SLC38A12: variants seen among roughly 807,000 people sequenced by gnomAD.
SLC38A12 encodes putative sodium-coupled neutral amino acid transporter 12.
At chr17:74,836,365 C>T in the SLC38A12 span, 11 of 1,612,514 alleles carry the variant, frequency 6.8e-6, no homozygotes, top group African/African-American at 5.3e-5. The surrounding 1 kb of genome is among the most constrained non-coding windows in gnomAD (Gnocchi z 4.2). Context: ...GAGGGCGGCA[C>T]GTACCCGTGG....
chr17:74,832,382 C>T, the SLC38A12 span, among the ~76,000 whole-genome samples: 4 of 152,178 alleles, frequency 2.6e-5, no homozygotes, highest in Admixed American at 2.0e-4. Context: ...ATGGTGGTGC[C>T]GAACTGGAGG....
chr17:74,824,907 C>T, the SLC38A12 span, among the ~76,000 whole-genome samples: 1 of 152,124 alleles, frequency 6.6e-6, no homozygotes, highest in Non-Finnish European at 1.5e-5. Flanking sequence ...AGGTGAGGCC[C>T]CCAAGAGGAA....
the SLC38A12 span, among the ~76,000 whole-genome samples, chr17:74,794,688 C>CCCT: frequency 7.6e-4 from 115 of 152,256 alleles, no homozygotes; most frequent in Admixed American, 1.5e-3. Flanking sequence ...CATCTCTCCT[C>CCCT]CCTCCTCCCA....
the SLC38A12 span, chr17:74,835,801 A>G: frequency 2.7e-6 from 4 of 1,488,210 alleles, no homozygotes; most frequent in East Asian, 9.1e-5. Flanking sequence ...ACAGGGCTGC[A>G]TGAACATGCA....
At chr17:74,824,456 C>CCG in the SLC38A12 span, among the ~76,000 whole-genome samples, 1 of 152,200 alleles carries the variant, frequency 6.6e-6, no homozygotes, top group African/African-American at 2.4e-5. Flanking sequence ...CTGCCCCTGC[C>CCG]CCGCCGCAGG....
At chr17:74,809,530 G>C in the SLC38A12 span, among the ~76,000 whole-genome samples, 2 of 152,308 alleles carry the variant, frequency 1.3e-5, no homozygotes, top group South Asian at 4.1e-4. Flanking sequence ...TGCAGCCTGC[G>C]TCACAGCTGC....
the SLC38A12 span, among the ~76,000 whole-genome samples, chr17:74,798,762 C>T: frequency 1.3e-5 from 2 of 151,274 alleles, no homozygotes; most frequent in Non-Finnish European, 2.9e-5. Context: ...ATCCCTCCTG[C>T]TCTTTTGAAA....
chr17:74,813,950 A>G, the SLC38A12 span, among the ~76,000 whole-genome samples: 39 of 152,316 alleles, frequency 2.6e-4, no homozygotes, highest in Non-Finnish European at 4.6e-4. Flanking sequence ...CCTTCCAGCC[A>G]GAGGAAGGAT....
the SLC38A12 span, among the ~76,000 whole-genome samples, chr17:74,826,973 G>C: frequency 1.3e-5 from 2 of 152,128 alleles, no homozygotes; most frequent in East Asian, 3.9e-4. Flanking sequence ...CCCCATCCCT[G>C]ACCCCCAGAG....
the SLC38A12 span, among the ~76,000 whole-genome samples, chr17:74,804,096 G>A: frequency 6.6e-6 from 1 of 152,348 alleles, no homozygotes; most frequent in Non-Finnish European, 1.5e-5. Flanking sequence ...TTATCCTGTA[G>A]ATCAGTCTGT....
the SLC38A12 span, chr17:74,795,655 C>A: frequency 6.3e-7 from 1 of 1,588,608 alleles, no homozygotes. Flanking sequence ...GCCTCTGTGC[C>A]GCCTGCCCCA....
At chr17:74,796,542 C>T in the SLC38A12 span, among the ~76,000 whole-genome samples, 1 of 152,232 alleles carries the variant, frequency 6.6e-6, no homozygotes, top group Non-Finnish European at 1.5e-5. Context: ...CCCCAAGGGG[C>T]CACTGAAGGG....
the SLC38A12 span, among the ~76,000 whole-genome samples, chr17:74,824,667 C>T: frequency 6.6e-6 from 1 of 152,232 alleles, no homozygotes; most frequent in Admixed American, 6.5e-5. Context: ...TGCCGAGGAC[C>T]GCAGGGTTCC....
the SLC38A12 span, among the ~76,000 whole-genome samples, chr17:74,822,219 C>T: frequency 6.6e-6 from 1 of 152,230 alleles, no homozygotes; most frequent in Non-Finnish European, 1.5e-5. Context: ...GCCAGCAGGG[C>T]CCCGGGGTCC....
chr17:74,794,137 C>T, the SLC38A12 span, among the ~76,000 whole-genome samples: 2 of 152,230 alleles, frequency 1.3e-5, no homozygotes, highest in Non-Finnish European at 2.9e-5. Flanking sequence ...TTTTCAGAGC[C>T]CTTGCACCTG....
At chr17:74,791,576 C>T in the SLC38A12 span, among the ~76,000 whole-genome samples, 7 of 152,394 alleles carry the variant, frequency 4.6e-5, no homozygotes, top group African/African-American at 9.6e-5. Context: ...CTCTTCTGGC[C>T]GATTCTGTCT....
the SLC38A12 span, chr17:74,819,881 C>T: frequency 1.9e-6 from 3 of 1,566,790 alleles, no homozygotes; most frequent in South Asian, 2.2e-5. Context: ...TGCGCTTTCT[C>T]CTCTCGTCCC....
the SLC38A12 span, among the ~76,000 whole-genome samples, chr17:74,794,581 C>T: frequency 6.6e-6 from 1 of 152,170 alleles, no homozygotes; most frequent in East Asian, 1.9e-4. Context: ...TGCTTCAACT[C>T]TTTAGTAGCA....
chr17:74,788,914 CAGGT>C, the SLC38A12 span: 1 of 1,575,066 alleles, frequency 6.3e-7, no homozygotes, highest in Non-Finnish European at 8.7e-7. Context: ...TCTGTTCCGT[CAGGT>C]ACCCAGCAGG....
Sources: allele counts gnomAD v4.1 joint callset (sites outside exome capture counted in the v4.1 genomes callset), GRCh38; gene constraint gnomAD v4.1.1; non-coding constraint Gnocchi (gnomAD v3.1); transcripts MANE v1.5; gene names NCBI Gene and HGNC (gene_info 2026-07-23, HGNC 2026-07-21).